Variants in SAMD12 observed in about 807,000 individuals in gnomAD.
SAMD12 encodes the protein sterile alpha motif domain-containing protein 12.
A neutral mutation model predicts 15.0 loss-of-function variants in SAMD12; 9 were observed. The ratio of observed to expected loss-of-function variants is 0.60; its 90% confidence interval spans 0.36 to 1.05. The LOEUF (loss-of-function observed/expected upper bound fraction) is 1.05, where lower values mean the gene tolerates loss of function less well. Among genes scored for constraint, SAMD12 ranks in the 50% least tolerant of loss-of-function variants. The pLI, the probability that SAMD12 is intolerant of heterozygous loss-of-function variation, is 0.01. For missense variants in SAMD12, 230 were observed against 234.2 expected, an observed-to-expected ratio of 0.98 and a Z score of 0.12; for synonymous variants, 86 against 90.1, an observed-to-expected ratio of 0.96 and a Z score of 0.25.
chr8:118,609,950 G>A (rs1334825389), intron 1 of SAMD12, among the ~76,000 whole-genome samples: 1 of 152,094 alleles, frequency 6.6e-6, no homozygotes, highest in African/African-American at 2.4e-5. Flanking sequence ...ATATATGACA[G>A]GAATCTTGAA....
intron 4 of SAMD12, among the ~76,000 whole-genome samples, chr8:118,290,436 G>T (rs1460940607): frequency 1.3e-5 from 2 of 152,178 alleles, no homozygotes; most frequent in African/African-American, 4.8e-5. Context: ...AAGTGGGCTG[G>T]AATAAACAAT....
At chr8:118,247,463 T>C (rs532574976) in intron 4 of SAMD12, among the ~76,000 whole-genome samples, 2 of 152,262 alleles carry the variant, frequency 1.3e-5, no homozygotes, top group South Asian at 2.1e-4. Flanking sequence ...GTGACAGATA[T>C]GTTAATTAGT....
intron 2 of SAMD12, among the ~76,000 whole-genome samples, chr8:118,553,152 G>T (rs951806290): frequency 4.6e-5 from 7 of 151,830 alleles, no homozygotes; most frequent in Non-Finnish European, 8.8e-5. Context: ...AGCTACCAAT[G>T]ACTTTCTTCA....
intron 3 of SAMD12, among the ~76,000 whole-genome samples, chr8:118,417,231 C>G (rs1397594063): frequency 6.6e-6 from 1 of 151,948 alleles, no homozygotes; most frequent in Admixed American, 6.6e-5. Context: ...CAGGTGTGCC[C>G]CCCTATGCCA....
intron 2 of SAMD12, among the ~76,000 whole-genome samples, chr8:118,447,275 TTTCC>T (rs143452297): frequency 6.6e-6 from 1 of 152,124 alleles, no homozygotes; most frequent in Non-Finnish European, 1.5e-5. Flanking sequence ...CATCCTGTTC[TTTCC>T]TTCCTTCCCC....
chr8:118,455,963 A>G (rs1035687734), intron 2 of SAMD12, among the ~76,000 whole-genome samples: 25 of 152,258 alleles, frequency 1.6e-4, no homozygotes, highest in South Asian at 4.1e-4. Context: ...ATAACCTCCT[A>G]TTTTCCAAAT....
chr8:118,597,644 A>G (rs1017349936), intron 1 of SAMD12, among the ~76,000 whole-genome samples: 1 of 152,228 alleles, frequency 6.6e-6, no homozygotes, highest in African/African-American at 2.4e-5. Flanking sequence ...GCCAACTGAT[A>G]CTAAAATAAA....
chr8:118,287,307 A>G (rs1432900202), intron 4 of SAMD12, among the ~76,000 whole-genome samples: 1 of 150,614 alleles, frequency 6.6e-6, no homozygotes, highest in Non-Finnish European at 1.5e-5. Context: ...TTGTATTTTT[A>G]GTAGAGACGG....
At chr8:118,173,031 A>G in the SAMD12 span, among the ~76,000 whole-genome samples, 1 of 152,166 alleles carries the variant, frequency 6.6e-6, no homozygotes, top group African/African-American at 2.4e-5. Flanking sequence ...TTCACTTACC[A>G]TAATGTGCCA....
At chr8:118,560,487 GT>G (rs1826671626) in intron 2 of SAMD12, among the ~76,000 whole-genome samples, 1 of 152,200 alleles carries the variant, frequency 6.6e-6, no homozygotes, top group Non-Finnish European at 1.5e-5. Context: ...AATGTGTGTA[GT>G]GGAGGAAAAA....
rs149082086 is a variant in SAMD12 at position 118,379,469 on chromosome 8, A to G, written c.554T>C (p.Leu185Ser). Residue 185 changes from leucine to serine, a missense_variant, in exon 4 of 4, where the codon TTG becomes TCG. Coordinates refer to ENST00000314727, the MANE Select transcript of SAMD12 (RefSeq NM_207506.3). The part of the protein sequence containing the change: ...LLGQTGVREN[L>S]LLFLHRISII... ...GGAAATTCTGTGAAGAAACAATAAC[A>G]AATTCTCCCTGACTCCTGTCTGTCC... 2.4e-5 allele frequency: 38 copies of G among 1,613,676 alleles called. No homozygotes were observed. In the African/African-American group the frequency reaches 4.9e-4, roughly 21 times the overall value.
At chr8:118,589,950 A>C (rs144108724) in intron 1 of SAMD12, among the ~76,000 whole-genome samples, 1 of 152,164 alleles carries the variant, frequency 6.6e-6, no homozygotes, top group Non-Finnish European at 1.5e-5. Flanking sequence ...GATGGACATT[A>C]TATATGAGAC....
exon 5 of SAMD12, chr8:118,194,002 G>A (rs1385229864): frequency 6.6e-6 from 1 of 152,128 alleles, no homozygotes; most frequent in Non-Finnish European, 1.5e-5. Flanking sequence ...GGAGGTTTTG[G>A]TGAAAGTAAA....
At chr8:118,417,595 T>A (rs1046652640) in intron 3 of SAMD12, among the ~76,000 whole-genome samples, 6 of 152,182 alleles carry the variant, frequency 3.9e-5, no homozygotes, top group African/African-American at 1.4e-4. Context: ...ATTTAGCTAA[T>A]CAGTAAATAA....
chr8:118,545,362 G>A (rs1231443535), intron 2 of SAMD12, among the ~76,000 whole-genome samples: 1 of 152,156 alleles, frequency 6.6e-6, no homozygotes, highest in Non-Finnish European at 1.5e-5. Flanking sequence ...AGCTACTGGG[G>A]AGGCTGAGGC....
In SAMD12 at chr8:118,546,824, C is replaced by T. The variant is rs1826140676; in HGVS notation, c.192+33891G>A. ...ACACAGACTCATTGGGAACTGAGCC[C>T]AGCAAACACTTGGTGCCTGGAAGAG... On this transcript the variant is annotated intron_variant, in intron 2 of 3. Coordinates refer to ENST00000314727, the MANE Select transcript of SAMD12 (RefSeq NM_207506.3). 2.0e-5 allele frequency among the ~76,000 whole-genome samples: 3 copies of T among 152,124 alleles called. No homozygotes were observed. In the South Asian group the frequency reaches 6.2e-4, roughly 32 times the overall value.
intron 1 of SAMD12, among the ~76,000 whole-genome samples, chr8:118,590,749 A>G (rs139707381): frequency 1.4e-4 from 22 of 152,356 alleles, no homozygotes; most frequent in African/African-American, 5.3e-4. Context: ...AATCACTCAT[A>G]ACCAGGAAGA....
At chr8:118,475,018 C>G (rs1252507874) in intron 2 of SAMD12, among the ~76,000 whole-genome samples, 1 of 152,118 alleles carries the variant, frequency 6.6e-6, no homozygotes, top group Non-Finnish European at 1.5e-5. Flanking sequence ...GTGGGCGGAT[C>G]ACTTGAGGTC....
At chr8:118,548,641 G>C (rs957228163) in intron 2 of SAMD12, among the ~76,000 whole-genome samples, 1 of 152,246 alleles carries the variant, frequency 6.6e-6, no homozygotes. Flanking sequence ...TGAGGTACCG[G>C]GTTCATCTCA....
Sources: gnomAD v4.1 joint callset for allele counts (sites outside exome capture counted in the v4.1 genomes callset) on GRCh38, gnomAD v4.1.1 for gene constraint, MANE v1.5 for transcripts, NCBI Gene and HGNC (gene_info 2026-07-23, HGNC 2026-07-21) for gene names.